Variants in SHISA9 observed in about 807,000 individuals in gnomAD.
SHISA9 encodes the protein shisa family member 9, also known as protein shisa-9.
In SHISA9, 13 loss-of-function variants were observed where a neutral mutation model predicts 38.0. The observed-to-expected ratio is 0.34, with a 90% CI of 0.22 to 0.54. SHISA9 has a LOEUF of 0.54. Ranked by LOEUF, SHISA9 falls within the 20% of genes least tolerant of loss-of-function variation. The pLI is 0.91. For synonymous variants in SHISA9, 275 were observed against 242.0 expected (o/e 1.14, Z -1.27); for missense variants, 538 against 575.8 (o/e 0.93, Z 0.67).
the SHISA9 span, among the ~76,000 whole-genome samples, chr16:13,554,963 T>C: frequency 3.9e-5 from 6 of 152,242 alleles, no homozygotes; most frequent in Non-Finnish European, 5.9e-5. Flanking sequence ...TTTGAGGCCA[T>C]ATCTCCTTGT....
intron 2 of SHISA9, among the ~76,000 whole-genome samples, chr16:13,169,643 T>G (rs1019858572): frequency 6.6e-6 from 1 of 152,220 alleles, no homozygotes; most frequent in African/African-American, 2.4e-5. Context: ...CAAAACATTT[T>G]ATCAGTTTCC....
At chr16:12,985,621 C>A (rs373668131) in intron 2 of SHISA9, among the ~76,000 whole-genome samples, 15 of 152,174 alleles carry the variant, frequency 9.9e-5, no homozygotes, top group African/African-American at 3.6e-4. Context: ...GAAGAGAGGC[C>A]CCATGCTAAG....
intron 2 of SHISA9, among the ~76,000 whole-genome samples, chr16:13,013,681 G>T (rs2072706239): frequency 6.6e-6 from 1 of 152,124 alleles, no homozygotes; most frequent in African/African-American, 2.4e-5. Flanking sequence ...GCTTTGCCCA[G>T]GTGTGCTAGA....
At chr16:12,954,899 AC>A (rs1261727226) in intron 2 of SHISA9, among the ~76,000 whole-genome samples, 2 of 152,162 alleles carry the variant, frequency 1.3e-5, no homozygotes, top group Non-Finnish European at 2.9e-5. Context: ...TCCAGAGGGC[AC>A]AGCATGCATA....
At chr16:13,277,200 G>C in the SHISA9 span, among the ~76,000 whole-genome samples, 2 of 151,910 alleles carry the variant, frequency 1.3e-5, no homozygotes, top group Non-Finnish European at 2.9e-5. Flanking sequence ...GATTCTATTT[G>C]CTTTGTTGAA....
At chr16:12,910,610 C>G in intron 1 of SHISA9, 1 of 985,282 alleles carries the variant, frequency 1.0e-6, no homozygotes, top group Non-Finnish European at 1.2e-6. Flanking sequence ...TCAAAAATGG[C>G]AACATAATTA....
At chr16:13,325,510 A>T in the SHISA9 span, among the ~76,000 whole-genome samples, 2 of 152,130 alleles carry the variant, frequency 1.3e-5, no homozygotes, top group Admixed American at 1.3e-4. Flanking sequence ...GGGCCTTAGA[A>T]TATTATTTTG....
downstream of SHISA9, among the ~76,000 whole-genome samples, chr16:13,245,161 C>T (rs1274651145): frequency 3.9e-5 from 6 of 152,188 alleles, no homozygotes; most frequent in African/African-American, 1.4e-4. Context: ...AAGCAATCTG[C>T]CCACCTCAGC....
intron 4 of SHISA9, among the ~76,000 whole-genome samples, chr16:13,222,782 GTGT>G (rs1164372097): frequency 7.7e-6 from 1 of 129,042 alleles, no homozygotes; most frequent in Non-Finnish European, 1.7e-5. Flanking sequence ...TCCACAAGGT[GTGT>G]GTGTATGTAT....
At chr16:13,343,459 T>C in the SHISA9 span, among the ~76,000 whole-genome samples, 1 of 152,096 alleles carries the variant, frequency 6.6e-6, no homozygotes, top group East Asian at 1.9e-4. Flanking sequence ...CACCATGTGG[T>C]GTGGGAGTCA....
chr16:12,927,628 C>T (rs1203325559), intron 2 of SHISA9, among the ~76,000 whole-genome samples: 5 of 150,282 alleles, frequency 3.3e-5, no homozygotes, highest in African/African-American at 4.9e-5. Context: ...AGACTGAGCT[C>T]GAGCTCCTGG....
chr16:13,065,143 G>C (rs1441926614), intron 2 of SHISA9, among the ~76,000 whole-genome samples: 1 of 152,154 alleles, frequency 6.6e-6, no homozygotes, highest in Non-Finnish European at 1.5e-5. Context: ...AAGGGTATCA[G>C]TTGTCTGCCT....
At chr16:12,917,697 A>G (rs1033894170) in intron 2 of SHISA9, among the ~76,000 whole-genome samples, 1 of 152,222 alleles carries the variant, frequency 6.6e-6, no homozygotes, top group African/African-American at 2.4e-5. Context: ...ACATTAAAGT[A>G]ATGTGGAGGG....
the SHISA9 span, among the ~76,000 whole-genome samples, chr16:13,498,196 G>A: frequency 2.6e-5 from 4 of 152,020 alleles, no homozygotes; most frequent in Non-Finnish European, 5.9e-5. Flanking sequence ...GACCCTAAAT[G>A]ACAAATTGAT....
intron 2 of SHISA9, among the ~76,000 whole-genome samples, chr16:12,975,014 TTTAA>T (rs1270551683): frequency 6.6e-6 from 1 of 152,170 alleles, no homozygotes; most frequent in African/African-American, 2.4e-5. Context: ...TGCACAATAT[TTTAA>T]TTAATTGATT....
rs965429132 is a variant in SHISA9 at position 13,149,937 on chromosome 16, A to T, written c.692-53457A>T. Reference sequence around the variant, plus strand: ...AATACTCCATCTCAAAAAAAAGAAAAAAAAAAAGGAAAAAAAAAGATAATC... The same window carrying T: ...AATACTCCATCTCAAAAAAAAGAAATAAAAAAAGGAAAAAAAAAGATAATC... On this transcript the variant is annotated intron_variant, in intron 2 of 4. Transcript: ENST00000558583. Among the ~76,000 whole-genome samples the T allele has an allele frequency of 4.6e-5, 7 of 150,936 alleles. No individual in the cohort carries two copies. The East Asian group carries it at 1.4e-3, about 29-fold the overall frequency.
downstream of SHISA9, among the ~76,000 whole-genome samples, chr16:13,243,286 A>G (rs1329242718): frequency 1.3e-5 from 2 of 151,974 alleles, no homozygotes; most frequent in Admixed American, 6.6e-5. Context: ...GGTCGAGGAC[A>G]TGTGTCTGTG....
the SHISA9 span, among the ~76,000 whole-genome samples, chr16:13,295,330 G>A: frequency 6.6e-6 from 1 of 152,202 alleles, no homozygotes; most frequent in Non-Finnish European, 1.5e-5. Flanking sequence ...TGCTTAGGAG[G>A]ATTTTATCAG....
the SHISA9 span, among the ~76,000 whole-genome samples, chr16:13,327,246 G>A: frequency 1.2e-4 from 18 of 152,094 alleles, no homozygotes; most frequent in African/African-American, 3.1e-4. Flanking sequence ...GAAGGGAGCC[G>A]AGAGCCATGA....
Sources: gnomAD v4.1 joint callset for allele counts (sites outside exome capture counted in the v4.1 genomes callset) on GRCh38, gnomAD v4.1.1 for gene constraint, MANE v1.5 for transcripts, NCBI Gene and HGNC (gene_info 2026-07-23, HGNC 2026-07-21) for gene names.